Variants in PCDHGA8 observed in about 807,000 individuals in gnomAD.
The protein encoded by PCDHGA8 is protocadherin gamma-A8.
In PCDHGA8, 45 loss-of-function variants were observed where a neutral mutation model predicts 59.2. The observed-to-expected ratio is 0.76, with a 90% CI of 0.60 to 0.98. PCDHGA8 has a LOEUF of 0.98. Among genes scored for constraint, PCDHGA8 ranks in the 50% least tolerant of loss-of-function variants. PCDHGA8 has a pLI of 0.00. For missense variants in PCDHGA8, 1,257 were observed against 1,196.2 expected, an observed-to-expected ratio of 1.05 and a Z score of -0.75; for synonymous variants, 531 against 519.0, an observed-to-expected ratio of 1.02 and a Z score of -0.32.
Position 141,512,106 on chromosome 5 carries a change from T to A in PCDHGA8, c.*933T>A, listed in dbSNP as rs2099884076. 6.6e-6 allele frequency: 1 copy of A among 152,630 alleles called. No homozygotes were observed. Among genetic ancestry groups the A allele is most frequent in the Non-Finnish European group, 1.5e-5 (1 of 68,060 alleles). 9.5% of individuals were successfully genotyped at this position (152,630 alleles called of 1,614,324 possible). On this transcript the variant is annotated 3_prime_UTR_variant, in exon 4 of 4. Transcript: ENST00000398604. ...TAAACCAATAACTAGGCTGGACCCT[T>A]CCCACTACATAATAGGGCTCAGCCC...
At position 141,489,181 on chromosome 5, in the gene PCDHGA8, T is replaced by C; in HGVS notation, c.2425-5626T>C. The C allele has an allele frequency of 1.6e-6, 2 of 1,259,546 alleles. No homozygotes were observed. The highest frequency in any genetic ancestry group is 2.2e-6 in the Non-Finnish European group (2 of 905,040). The allele number at this position is 1,259,546 out of a possible 1,614,324, so 78.0% of individuals were successfully genotyped here. ...ACTTCAGCTGCTGCATTCCAAGCCC[T>C]GGGTCTACCTTGGAGACAGGACAGC... On this transcript the variant is annotated intron_variant, in intron 1 of 3. Transcript: ENST00000398604. This position sits in a 1 kb window ranked among gnomAD's most constrained non-coding sequence, Gnocchi z 4.5.
chr5:141,417,647 C>G, intron 1 of PCDHGA8: 8 of 812,384 alleles, frequency 9.8e-6, no homozygotes, highest in Non-Finnish European at 1.5e-5. Flanking sequence ...ATCCCTCAGC[C>G]TCTAGCCTGG....
At chr5:141,488,208 C>T (rs2099672939) in intron 1 of PCDHGA8, among the ~76,000 whole-genome samples, 1 of 152,152 alleles carries the variant, frequency 6.6e-6, no homozygotes, top group African/African-American at 2.4e-5. Flanking sequence ...GGACTCATAT[C>T]AAGTCCCTAC....
chr5:141,480,225 G>A (rs1217912404), intron 1 of PCDHGA8, among the ~76,000 whole-genome samples: 1 of 147,152 alleles, frequency 6.8e-6, no homozygotes, highest in East Asian at 2.0e-4. Flanking sequence ...GCGACATAGT[G>A]AGATCCTGTC....
chr5:141,505,277 G>A, intron 2 of PCDHGA8, 116 bp from the exon 3 acceptor site: 1 of 1,539,958 alleles, frequency 6.5e-7, no homozygotes, highest in African/African-American at 1.4e-5. Context: ...AGAGAAACAG[G>A]TCTTGGGCAT....
chr5:141,494,914 A>G (rs906245656), intron 2 of PCDHGA8, 49 bp downstream of exon 2: 5 of 1,613,708 alleles, frequency 3.1e-6, no homozygotes, highest in Admixed American at 1.7e-5. Context: ...GCATTTTCTC[A>G]GGGATGACGT....
rs544678317 is a variant in PCDHGA8, at chr5:141,430,911, A to C, written c.2424+35674A>C. The C allele has an allele frequency of 1.9e-5, 31 of 1,607,958 alleles. No homozygotes were observed. The Admixed American group carries it at 2.2e-4, about 11-fold the overall frequency. ...TCTAGGGTGGGCGACATCTCCAGGG[A>C]CCTGGGGCTGGAGCCCCGGGAGCTC... On this transcript the variant is annotated intron_variant, in intron 1 of 3. Transcript: ENST00000398604.
chr5:141,423,423 G>C (rs1561809630), intron 1 of PCDHGA8: 2 of 1,614,096 alleles, frequency 1.2e-6, no homozygotes, highest in Non-Finnish European at 8.5e-7. Flanking sequence ...CTGAAGGCGG[G>C]TTGGCAGGTA....
chr5:141,491,496 C>T lies in PCDHGA8; in HGVS notation c.2425-3311C>T, dbSNP rs372523924. ...AGTCCAGCCCCAACCTGCAGGTGAG[C>T]TCGGACGGCACGCTCAAGTACATGG... On this transcript the variant is annotated intron_variant, in intron 1 of 3. Transcript: ENST00000398604. This position sits in a 1 kb window ranked among gnomAD's most constrained non-coding sequence, Gnocchi z 6.9. 2.9e-5 allele frequency: 47 copies of T among 1,614,004 alleles called. No individual in the cohort carries two copies. Among genetic ancestry groups the T allele is most frequent in the Non-Finnish European group, 3.7e-5 (44 of 1,180,026 alleles).
intron 1 of PCDHGA8, chr5:141,418,535 G>A: frequency 6.2e-7 from 1 of 1,614,002 alleles, no homozygotes. Context: ...AAGCGGTACT[G>A]CTCAGATAAG....
chr5:141,478,672 A>G (rs1216792401), intron 1 of PCDHGA8: 22 of 1,551,540 alleles, frequency 1.4e-5, no homozygotes, highest in Admixed American at 2.0e-5. Flanking sequence ...CACACTTTCA[A>G]CTGGCCCTTC....
At chr5:141,499,689 CTTT>C (rs545067566) in intron 2 of PCDHGA8, among the ~76,000 whole-genome samples, 2 of 119,848 alleles carry the variant, frequency 1.7e-5, no homozygotes, top group African/African-American at 3.1e-5. Context: ...TAACAGATGA[CTTT>C]TTTTTTTTTT....
In PCDHGA8 at chr5:141,486,270, G is replaced by A. The variant is rs1052584402; in HGVS notation, c.2425-8537G>A. 2 of 1,614,062 alleles carry A rather than the reference G, an allele frequency of 1.2e-6. No homozygotes were observed. Reference sequence around the variant, plus strand: ...ACCCTCCCCGAGAGTGCAGAACCTGGCACTGTGGTGGCACTTATCAGTGTG... The same window carrying A: ...ACCCTCCCCGAGAGTGCAGAACCTGACACTGTGGTGGCACTTATCAGTGTG... On this transcript the variant is annotated intron_variant, in intron 1 of 3. Coordinates refer to ENST00000398604, the MANE Select transcript of PCDHGA8 (RefSeq NM_032088.2). This position sits in a 1 kb window ranked among gnomAD's most constrained non-coding sequence, Gnocchi z 5.0.
intron 1 of PCDHGA8, chr5:141,410,044 C>T (rs1220745023): frequency 1.7e-5 from 27 of 1,613,184 alleles, no homozygotes; most frequent in Admixed American, 3.3e-5. Context: ...CCAGTGAGCC[C>T]GGACTCTTCA....
chr5:141,413,263 G>A, intron 1 of PCDHGA8: 1 of 1,613,940 alleles, frequency 6.2e-7, no homozygotes, highest in Admixed American at 1.7e-5. Flanking sequence ...TCCATGGGAG[G>A]CTGGAGCCCG....
chr5:141,393,950 T>C lies in PCDHGA8; in HGVS notation c.1137T>C (p.Asn379=), dbSNP rs1203228447. ...TGCATGACCAAGACTCTGGAAAGAA[T>C]GGTCAAGTTGTCTGTTACACACGTG... The part of the protein sequence containing the change: ...LSVHDQDSGK[N]GQVVCYTRDN... The change falls in exon 1 of 4, where the codon AAT becomes AAC. Residue 379 remains asparagine (N), a synonymous_variant. Transcript: ENST00000398604. The C allele has an allele frequency of 6.2e-7, 1 of 1,613,996 alleles. No homozygotes were observed. The highest frequency in any genetic ancestry group is 8.5e-7 in the Non-Finnish European group (1 of 1,179,882).
chr5:141,428,320 T>C (rs2097132935), intron 1 of PCDHGA8: 2 of 650,176 alleles, frequency 3.1e-6, no homozygotes, highest in Admixed American at 2.2e-5. Context: ...GGCCTTGGCC[T>C]TGATTTCTAT....
At chr5:141,419,152 G>A (rs2096335735) in intron 1 of PCDHGA8, 25 of 1,613,916 alleles carry the variant, frequency 1.5e-5, no homozygotes, top group East Asian at 4.5e-5. Context: ...GCAAGCCTCC[G>A]TTATCCTCCA....
In PCDHGA8 at chr5:141,431,465, AACG is replaced by A; in HGVS notation, c.2424+36231_2424+36233del. 1.9e-6 allele frequency: 3 copies of A among 1,613,790 alleles called. No homozygotes were observed. The highest frequency in any genetic ancestry group is 2.5e-6 in the Non-Finnish European group (3 of 1,179,970). ...CATCCGCGTGATGGTTCTGGATGCGAACGACAACGCACCAGCGTTTGCTCAGCC... is the reference window on the plus strand; with the variant it reads ...CATCCGCGTGATGGTTCTGGATGCGAACAACGCACCAGCGTTTGCTCAGCC... On this transcript the variant is annotated intron_variant, in intron 1 of 3. Transcript: ENST00000398604. The surrounding 1 kb of genome is among the most constrained non-coding windows in gnomAD (Gnocchi z 4.8).
Sources: gnomAD v4.1 joint callset for allele counts (sites outside exome capture counted in the v4.1 genomes callset) on GRCh38, gnomAD v4.1.1 for gene constraint, Gnocchi (gnomAD v3.1) non-coding constraint, MANE v1.5 for transcripts, NCBI Gene and HGNC (gene_info 2026-07-23, HGNC 2026-07-21) for gene names.